Variants in DAB1 observed in about 807,000 individuals in gnomAD.
The protein encoded by DAB1 is disabled homolog 1.
DAB1 carries 15 observed loss-of-function variants against 64.6 expected under a neutral mutation model. That is an observed-to-expected ratio of 0.23 (90% CI 0.16 to 0.36). The LOEUF is 0.36. Among genes scored for constraint, DAB1 ranks in the 10% least tolerant of loss-of-function variants. The pLI is 1.00. For missense variants in DAB1, 596 were observed against 706.7 expected, an observed-to-expected ratio of 0.84 and a Z score of 1.78; for synonymous variants, 235 against 251.9, an observed-to-expected ratio of 0.93 and a Z score of 0.64.
intron 3 of DAB1, among the ~76,000 whole-genome samples, chr1:58,400,707 A>C (rs1382663116): frequency 6.6e-6 from 1 of 152,232 alleles, no homozygotes; most frequent in African/African-American, 2.4e-5. Context: ...GAAGCAATAA[A>C]GTTTTAAATG....
intron 1 of DAB1, among the ~76,000 whole-genome samples, chr1:57,392,876 G>A (rs1682499657): frequency 6.6e-6 from 1 of 152,162 alleles, no homozygotes; most frequent in African/African-American, 2.4e-5. Flanking sequence ...AGAGCATGCT[G>A]TGCCACCCAT....
chr1:57,111,779 G>A (rs1011157361), intron 4 of DAB1, among the ~76,000 whole-genome samples: 1 of 152,126 alleles, frequency 6.6e-6, no homozygotes, highest in African/African-American at 2.4e-5. Context: ...GACTTTGCCT[G>A]TCTTATTCAC....
At chr1:57,379,499 T>A (rs369919969) in intron 1 of DAB1, among the ~76,000 whole-genome samples, 1 of 152,186 alleles carries the variant, frequency 6.6e-6, no homozygotes, top group Non-Finnish European at 1.5e-5. Flanking sequence ...TATGAACATT[T>A]GTTAGAATAA....
At position 57,480,077 on chromosome 1, in the gene DAB1, G is replaced by A. The variant is rs901706607; in HGVS notation, n.625+169515C>T. On this transcript the variant is annotated intron_variant and non_coding_transcript_variant, in intron 7 of 20. Transcript: ENST00000485760. The stretch of plus-strand genomic sequence containing the variant: ...TGAGGCAGGAGAATGGCGTGAACCC[G>A]GGAGGCGGAGCTTGCAGTGAGTCGA... Among the ~76,000 whole-genome samples, 48 of 151,430 alleles carry A rather than the reference G, an allele frequency of 3.2e-4. 1 individual carries two copies. Among genetic ancestry groups the A allele is most frequent in the Non-Finnish European group, 4.0e-4 (27 of 67,868 alleles).
intron 5 of DAB1, among the ~76,000 whole-genome samples, chr1:57,934,063 TTGTGTG>T (rs55848780): frequency 0.018 from 2,294 of 128,092 alleles, 78 homozygotes; most frequent in African/African-American, 0.065. Flanking sequence ...GCCCAGCTAA[TTGTGTG>T]TGTGTGTGTG....
At chr1:58,465,782 A>C (rs1645290216) in intron 3 of DAB1, among the ~76,000 whole-genome samples, 1 of 152,156 alleles carries the variant, frequency 6.6e-6, no homozygotes, top group Admixed American at 6.5e-5. Flanking sequence ...CAACCTTAGG[A>C]GACAGGAACC....
In DAB1 at chr1:57,787,665, C is replaced by G. The variant is rs558891720; in HGVS notation, n.551+96334G>C. Among the ~76,000 whole-genome samples the G allele has an allele frequency of 2.0e-3, 298 of 152,132 alleles. 2 individuals are homozygous for G. The highest frequency in any genetic ancestry group is 6.9e-3 in the African/African-American group (287 of 41,548). On this transcript the variant is annotated intron_variant and non_coding_transcript_variant, in intron 6 of 20. Coordinates refer to the DAB1 transcript ENST00000485760. ...ACTATAAAATAAAAAAATTGATACA[C>G]TGAATTTCACTAAAATTAAAATCTT...
chr1:58,464,319 T>C (rs758980366), intron 3 of DAB1, among the ~76,000 whole-genome samples: 2 of 152,214 alleles, frequency 1.3e-5, no homozygotes, highest in African/African-American at 2.4e-5. Context: ...GCCCAGGGCA[T>C]GTCAAGGATT....
chr1:57,450,463 C>T (rs1040510528), intron 7 of DAB1, among the ~76,000 whole-genome samples: 12 of 152,152 alleles, frequency 7.9e-5, no homozygotes, highest in Non-Finnish European at 1.5e-4. Context: ...TACAACTTTA[C>T]TATGTAGCTC....
At chr1:57,057,205 A>G (rs942645233) in intron 9 of DAB1, among the ~76,000 whole-genome samples, 1 of 152,198 alleles carries the variant, frequency 6.6e-6, no homozygotes, top group Non-Finnish European at 1.5e-5. Context: ...GCAACAAAAA[A>G]CAAAATAATG....
chr1:57,161,891 C>T (rs1382105320), intron 2 of DAB1, among the ~76,000 whole-genome samples: 1 of 151,378 alleles, frequency 6.6e-6, no homozygotes, highest in Non-Finnish European at 1.5e-5. Flanking sequence ...CTGTGTCTTG[C>T]TTTTTTCATC....
intron 5 of DAB1, among the ~76,000 whole-genome samples, chr1:57,978,256 A>C (rs1357638061): frequency 6.6e-6 from 1 of 152,182 alleles, no homozygotes; most frequent in Admixed American, 6.5e-5. Flanking sequence ...CTCAGAAATA[A>C]CACCACACAT....
intron 6 of DAB1, among the ~76,000 whole-genome samples, chr1:57,759,094 G>GATA (rs767114516): frequency 1.3e-3 from 198 of 152,204 alleles, no homozygotes; most frequent in Non-Finnish European, 2.4e-3. Context: ...GCTGTCTTAA[G>GATA]CTGTTAAAAG....
chr1:58,439,282 A>G (rs975928669), intron 3 of DAB1, among the ~76,000 whole-genome samples: 4 of 146,402 alleles, frequency 2.7e-5, no homozygotes, highest in Non-Finnish European at 5.9e-5. Flanking sequence ...GAAGCCTTTC[A>G]TGACTTCCAC....
chr1:58,071,086 A>G (rs1347205198), intron 5 of DAB1, among the ~76,000 whole-genome samples: 4 of 152,128 alleles, frequency 2.6e-5, no homozygotes, highest in African/African-American at 9.7e-5. Context: ...TGGGGAGTAG[A>G]ACAGAGCTCT....
Position 58,047,947 on chromosome 1 carries a change from T to C in DAB1, n.387+102564A>G. ...CATTAAAACCCTTTGTTGGAATGCT[T>C]TACACTTTCCACAGAACAGCAACTA... On this transcript the variant is annotated intron_variant and non_coding_transcript_variant, in intron 5 of 20. Transcript: ENST00000485760. 4 of 475,482 alleles carry C rather than the reference T, an allele frequency of 8.4e-6. No individual in the cohort carries two copies. The South Asian group carries it at 8.5e-5, about 10-fold the overall frequency. 29.5% of individuals were successfully genotyped at this position (475,482 alleles called of 1,614,324 possible).
At chr1:57,482,965 T>C (rs1355968165) in intron 7 of DAB1, among the ~76,000 whole-genome samples, 6 of 152,144 alleles carry the variant, frequency 3.9e-5, no homozygotes, top group South Asian at 2.1e-4. Context: ...TAACTCAAGA[T>C]AGAAGAAAAT....
At chr1:57,547,719 A>C (rs574935660) in intron 7 of DAB1, among the ~76,000 whole-genome samples, 7 of 152,338 alleles carry the variant, frequency 4.6e-5, no homozygotes, top group Admixed American at 2.0e-4. Flanking sequence ...CAGAAAAAGG[A>C]CATGAGTGGA....
chr1:58,151,941 G>A (rs1182642842), intron 4 of DAB1, among the ~76,000 whole-genome samples: 1 of 152,150 alleles, frequency 6.6e-6, no homozygotes, highest in Non-Finnish European at 1.5e-5. Context: ...AGAACAAGTA[G>A]GTCTTTATCA....
Sources: allele counts gnomAD v4.1 joint callset (sites outside exome capture counted in the v4.1 genomes callset), GRCh38; gene constraint gnomAD v4.1.1; transcripts MANE v1.5; gene names NCBI Gene and HGNC (gene_info 2026-07-23, HGNC 2026-07-21).